The following SORCS2 variants were observed in gnomAD, a reference collection of about 807,000 sequenced individuals.
SORCS2 encodes sortilin related VPS10 domain containing receptor 2, also known as VPS10 domain-containing receptor SorCS2.
SORCS2 carries 100 observed loss-of-function variants against 141.6 expected under a neutral mutation model. That is an observed-to-expected ratio of 0.71 (90% CI 0.60 to 0.83). The LOEUF is 0.83. Among genes scored for constraint, SORCS2 ranks in the 40% least tolerant of loss-of-function variants. The pLI, the probability that SORCS2 is intolerant of heterozygous loss-of-function variation, is 0.00. For missense variants in SORCS2, 1,646 were observed against 1,560.2 expected (o/e 1.05, Z -0.93); for synonymous variants, 789 against 676.9 (o/e 1.17, Z -2.57).
At chr4:7,379,431 C>T (rs189921321) in intron 1 of SORCS2, among the ~76,000 whole-genome samples, 1 of 152,294 alleles carries the variant, frequency 6.6e-6, no homozygotes, top group African/African-American at 2.4e-5. Flanking sequence ...TGAGGAGGGC[C>T]TTCGGGAGTG....
chr4:7,254,814 A>T (rs1560143061), intron 1 of SORCS2, among the ~76,000 whole-genome samples: 1 of 152,090 alleles, frequency 6.6e-6, no homozygotes, highest in Non-Finnish European at 1.5e-5. Context: ...GTGACTGTGC[A>T]GTGCTGTTGA....
At chr4:7,561,777 A>T (rs1377421204) in intron 3 of SORCS2, among the ~76,000 whole-genome samples, 1 of 151,670 alleles carries the variant, frequency 6.6e-6, no homozygotes, top group Non-Finnish European at 1.5e-5. Context: ...CCATCTGTCC[A>T]TCTGTCCATT....
At chr4:7,540,863 T>A (rs1015738578) in intron 3 of SORCS2, among the ~76,000 whole-genome samples, 6 of 152,226 alleles carry the variant, frequency 3.9e-5, no homozygotes, top group African/African-American at 1.2e-4. Context: ...GGAGGATGCC[T>A]GACTCAGCAG....
At chr4:7,270,318 A>G (rs1715032752) in intron 1 of SORCS2, among the ~76,000 whole-genome samples, 1 of 152,262 alleles carries the variant, frequency 6.6e-6, no homozygotes, top group Admixed American at 6.5e-5. Flanking sequence ...GCGTTCCAGA[A>G]ATAAACGTCA....
At position 7,562,057 on chromosome 4, in the gene SORCS2, C is replaced by G. The variant is rs377307957; in HGVS notation, c.648+30428C>G. Among the ~76,000 whole-genome samples, 200 of 152,352 alleles carry G rather than the reference C, an allele frequency of 1.3e-3. 1 individual carries two copies. The highest frequency in any genetic ancestry group is 4.7e-3 in the African/African-American group (194 of 41,574). ...GTGGTGGTTACTGGTGACTTAGCCC[C>G]TACCCCATGGAGTTGACAACTTAGT... On this transcript the variant is annotated intron_variant, in intron 3 of 26. Coordinates refer to ENST00000507866, the MANE Select transcript of SORCS2 (RefSeq NM_020777.3).
chr4:7,501,214 G>T (rs568241030), intron 2 of SORCS2, among the ~76,000 whole-genome samples: 1 of 152,114 alleles, frequency 6.6e-6, no homozygotes. Flanking sequence ...CCCTGCTCCC[G>T]TCACCCGCTC....
At chr4:7,597,512 TG>T (rs1261379967) in intron 3 of SORCS2, among the ~76,000 whole-genome samples, 2 of 94,966 alleles carry the variant, frequency 2.1e-5, no homozygotes, top group African/African-American at 8.7e-5. Flanking sequence ...GGACATGCAA[TG>T]AGAGGTTACA....
chr4:7,680,048 T>C (rs1487420938), intron 9 of SORCS2, among the ~76,000 whole-genome samples: 1 of 152,210 alleles, frequency 6.6e-6, no homozygotes, highest in African/African-American at 2.4e-5. Flanking sequence ...GCAGAAGCCC[T>C]CTGGGTGATG....
chr4:7,560,432 T>C (rs898064448), intron 3 of SORCS2, among the ~76,000 whole-genome samples: 1 of 152,052 alleles, frequency 6.6e-6, no homozygotes, highest in Non-Finnish European at 1.5e-5. Flanking sequence ...ACAGGGGCTG[T>C]GCTTTGTCTC....
At chr4:7,356,428 G>A (rs532226972) in intron 1 of SORCS2, among the ~76,000 whole-genome samples, 47 of 152,248 alleles carry the variant, frequency 3.1e-4, no homozygotes, top group African/African-American at 1.0e-3. Context: ...CTGGCTTGCC[G>A]ATGGCTATCT....
intron 2 of SORCS2, among the ~76,000 whole-genome samples, chr4:7,497,341 G>A (rs1360778130): frequency 6.6e-6 from 1 of 152,252 alleles, no homozygotes; most frequent in Admixed American, 6.5e-5. Flanking sequence ...GTTGCCAGAG[G>A]AGGACTGGGG....
Position 7,498,855 on chromosome 4 carries a change from C to T in SORCS2, c.549-32675C>T, listed in dbSNP as rs113151264. Among the ~76,000 whole-genome samples the T allele has an allele frequency of 2.0e-5, 3 of 152,150 alleles. No homozygotes were observed. In the South Asian group the frequency reaches 6.2e-4, roughly 32 times the overall value. ...AGTGCAGTGCCATAGAGGAGAGGGA[C>T]GAGTGCCCAGGGAGCCCAGAGCCCT... On this transcript the variant is annotated intron_variant, in intron 2 of 26. Coordinates refer to ENST00000507866, the MANE Select transcript of SORCS2 (RefSeq NM_020777.3).
intron 1 of SORCS2, among the ~76,000 whole-genome samples, chr4:7,339,705 T>A (rs1270210082): frequency 1.3e-5 from 2 of 152,218 alleles, no homozygotes; most frequent in Non-Finnish European, 2.9e-5. Context: ...AAGGGCACAT[T>A]CGTAGGTCCT....
At chr4:7,506,542 A>G (rs1413201074) in intron 2 of SORCS2, among the ~76,000 whole-genome samples, 1 of 152,088 alleles carries the variant, frequency 6.6e-6, no homozygotes, top group African/African-American at 2.4e-5. Flanking sequence ...CTACTCTGCT[A>G]GGGAAGCAAG....
chr4:7,645,470 T>C (rs1721011327), intron 4 of SORCS2, among the ~76,000 whole-genome samples: 1 of 152,076 alleles, frequency 6.6e-6, no homozygotes, highest in African/African-American at 2.4e-5. Context: ...TATATGCATG[T>C]ATGTGTGTAC....
chr4:7,351,156 A>G (rs527375582), intron 1 of SORCS2, among the ~76,000 whole-genome samples: 2 of 152,226 alleles, frequency 1.3e-5, no homozygotes, highest in East Asian at 3.9e-4. Flanking sequence ...TGGCTGGTGG[A>G]AGCCCCTGGC....
intron 1 of SORCS2, among the ~76,000 whole-genome samples, chr4:7,312,701 C>T (rs1371559618): frequency 1.3e-5 from 2 of 152,212 alleles, no homozygotes; most frequent in East Asian, 3.9e-4. Context: ...CTGCTGTGTG[C>T]CAGGTACGTT....
rs769890975 is a variant in SORCS2 at position 7,664,391 on chromosome 4, G to A, written c.991G>A (p.Glu331Lys). Reference protein sequence around the residue: ...YVTCAIHNCSEKMLTAPFAGP... With the variant: ...YVTCAIHNCSKKMLTAPFAGP... Reference sequence around the variant, plus strand: ...CACCTGCGCAATCCACAATTGCTCCGAGAAGATGCTGACAGCCCCATTCGC... The same window carrying A: ...CACCTGCGCAATCCACAATTGCTCCAAGAAGATGCTGACAGCCCCATTCGC... Residue 331 changes from glutamate to lysine, a missense_variant, in exon 7 of 27, where the codon GAG (glutamate) becomes AAG (lysine). Physicochemically the swap from Glu to Lys is moderately conservative, Grantham distance 56 (BLOSUM62 1). Transcript: ENST00000507866. The surrounding 1 kb of genome is among the most constrained non-coding windows in gnomAD (Gnocchi z 4.7). 2.3e-5 allele frequency: 37 copies of A among 1,613,754 alleles called. No individual in the cohort carries two copies. The highest frequency in any genetic ancestry group is 9.9e-5 in the South Asian group (9 of 91,060).
chr4:7,220,770 CA>C (rs1224028031), intron 1 of SORCS2, among the ~76,000 whole-genome samples: 1 of 152,128 alleles, frequency 6.6e-6, no homozygotes. Flanking sequence ...TGCCACTTTC[CA>C]GCTCCTTCCC....
Sources: allele counts gnomAD v4.1 joint callset (sites outside exome capture counted in the v4.1 genomes callset), GRCh38; gene constraint gnomAD v4.1.1; non-coding constraint Gnocchi (gnomAD v3.1); transcripts MANE v1.5; gene names NCBI Gene and HGNC (gene_info 2026-07-23, HGNC 2026-07-21).